Variants in GRAP2 observed in about 807,000 individuals in gnomAD.
The protein encoded by GRAP2 is GRB2 related adaptor protein 2.
A neutral mutation model predicts 43.5 loss-of-function variants in GRAP2; 31 were observed. The observed-to-expected ratio is 0.71, with a 90% confidence interval of 0.54 to 0.96. The LOEUF (loss-of-function observed/expected upper bound fraction) is 0.96, where lower values mean the gene tolerates loss of function less well. GRAP2 is among the 40% of genes least tolerant of loss of function. GRAP2 has a pLI of 0.00. For synonymous variants in GRAP2, 156 were observed against 164.8 expected, an observed-to-expected ratio of 0.95 and a Z score of 0.41; for missense variants, 371 against 424.4, an observed-to-expected ratio of 0.87 and a Z score of 1.11.
At chr22:39,941,874 T>G (rs2066874599) in intron 1 of GRAP2, among the ~76,000 whole-genome samples, 2 of 151,928 alleles carry the variant, frequency 1.3e-5, no homozygotes, top group African/African-American at 2.4e-5. Context: ...TTTTTTTTTT[T>G]GTCTGTTTGT....
chr22:39,952,771 A>G (rs1214122040), intron 2 of GRAP2, among the ~76,000 whole-genome samples: 1 of 152,246 alleles, frequency 6.6e-6, no homozygotes, highest in East Asian at 1.9e-4. Context: ...TGTCCTATTC[A>G]GAGCTGGAGG....
chr22:39,902,128 C>G (rs1233196973), intron 1 of GRAP2, among the ~76,000 whole-genome samples: 1 of 152,206 alleles, frequency 6.6e-6, no homozygotes, highest in East Asian at 1.9e-4. Context: ...CACTATTGAA[C>G]ATACACATCC....
intron 1 of GRAP2, among the ~76,000 whole-genome samples, chr22:39,920,255 A>G (rs1239152015): frequency 2.6e-5 from 4 of 152,220 alleles, no homozygotes; most frequent in Non-Finnish European, 5.9e-5. Flanking sequence ...ATATTCTTGC[A>G]GAGTCATATC....
chr22:39,896,298 C>T (rs1672254493), upstream of GRAP2, among the ~76,000 whole-genome samples: 2 of 152,192 alleles, frequency 1.3e-5, no homozygotes, highest in Non-Finnish European at 2.9e-5. Flanking sequence ...CACACATATA[C>T]TTTTACATGT....
At chr22:39,920,272 C>T in intron 1 of GRAP2, among the ~76,000 whole-genome samples, 1 of 152,226 alleles carries the variant, frequency 6.6e-6, no homozygotes, top group East Asian at 1.9e-4. Context: ...TATCTTACCC[C>T]ACATCTTATC....
intron 1 of GRAP2, among the ~76,000 whole-genome samples, chr22:39,924,689 G>A (rs951108621): frequency 1.7e-4 from 26 of 151,868 alleles, no homozygotes; most frequent in African/African-American, 2.7e-4. Flanking sequence ...GTGACAAAAC[G>A]AGACTCCGTC....
rs756828792 is a variant in GRAP2, at chr22:39,970,871, C to T, written c.814-34C>T. ...CCTCCCCTGCCTGCCCAGCCCACAGCTCAGCAGAGCCTCTTCTGTGCTTCC... is the reference window on the plus strand; with the variant it reads ...CCTCCCCTGCCTGCCCAGCCCACAGTTCAGCAGAGCCTCTTCTGTGCTTCC... On this transcript the variant is annotated intron_variant, in intron 7 of 7. Coordinates refer to ENST00000344138, the MANE Select transcript of GRAP2 (RefSeq NM_004810.4). 1.9e-6 allele frequency: 3 copies of T among 1,550,444 alleles called. No individual in the cohort carries two copies. The South Asian group carries it at 3.7e-5, about 19-fold the overall frequency.
intron 7 of GRAP2, 71 bp downstream of exon 7, chr22:39,969,604 G>A: frequency 6.6e-7 from 1 of 1,515,484 alleles, no homozygotes; most frequent in Non-Finnish European, 9.1e-7. Flanking sequence ...AGGAGATGAG[G>A]CAGGAGAGAC....
Position 39,968,155 on chromosome 22 carries a change from G to A in GRAP2, c.573G>A (p.Pro191=), listed in dbSNP as rs771275405. 4.3e-5 allele frequency: 69 copies of A among 1,607,052 alleles called. No individual in the cohort carries two copies. The highest frequency in any genetic ancestry group is 5.4e-5 in the African/African-American group (4 of 74,540). Reference sequence around the variant, plus strand: ...ACCGGAAGCTGTCGGATCACCCCCCGACCCTTCCCCTGCAGCAGCACCAGC... The same window carrying A: ...ACCGGAAGCTGTCGGATCACCCCCCAACCCTTCCCCTGCAGCAGCACCAGC... ...SMNRKLSDHP[P]TLPLQQHQHQ... is the part of the protein sequence containing the mutation. The change falls in exon 6 of 8, where the codon CCG becomes CCA. Residue 191 remains proline (P), a synonymous_variant. Transcript: ENST00000344138.
chr22:39,966,554 C>T (rs1008144773), intron 5 of GRAP2, among the ~76,000 whole-genome samples: 1 of 152,086 alleles, frequency 6.6e-6, no homozygotes, highest in South Asian at 2.1e-4. Context: ...TCAAGAGTTG[C>T]CCAAGGATGA....
chr22:39,970,757 CA>C, intron 7 of GRAP2, 147 bp from the exon 8 acceptor site: 3 of 647,970 alleles, frequency 4.6e-6, no homozygotes, highest in South Asian at 2.5e-5. Flanking sequence ...CCCATCTCTA[CA>C]AAAAAAGTTT....
At chr22:39,967,130 T>C (rs970852663) in intron 5 of GRAP2, among the ~76,000 whole-genome samples, 8 of 152,194 alleles carry the variant, frequency 5.3e-5, no homozygotes, top group Non-Finnish European at 1.0e-4. Flanking sequence ...TGAAAAGATA[T>C]TGAGACTGTG....
chr22:39,917,011 T>A (rs757629127), intron 1 of GRAP2, among the ~76,000 whole-genome samples: 17 of 152,214 alleles, frequency 1.1e-4, no homozygotes, highest in Non-Finnish European at 2.2e-4. Flanking sequence ...TCATGTAGAA[T>A]AGAAAGCAAT....
chr22:39,937,606 A>C (rs1203634579), intron 1 of GRAP2, among the ~76,000 whole-genome samples: 2 of 152,228 alleles, frequency 1.3e-5, no homozygotes, highest in African/African-American at 4.8e-5. Context: ...CAGAATGCAA[A>C]AATGCTTTGA....
chr22:39,958,810 C>T (rs1883901208), intron 3 of GRAP2, among the ~76,000 whole-genome samples: 2 of 152,154 alleles, frequency 1.3e-5, no homozygotes, highest in Non-Finnish European at 1.5e-5. Flanking sequence ...GTGTGGTGGC[C>T]TCTTGTTTAG....
chr22:39,964,751 C>A (rs534588498), intron 4 of GRAP2: 1 of 484,828 alleles, frequency 2.1e-6, no homozygotes, highest in South Asian at 3.6e-5. Flanking sequence ...AGTGGCTCAT[C>A]ATCTCTTTAG....
At position 39,901,254 on chromosome 22, in the gene GRAP2, T is replaced by C. The variant is rs1411480837; in HGVS notation, c.-91T>C. On this transcript the variant is annotated 5_prime_UTR_variant, in exon 1 of 8. Transcript: ENST00000344138. ...AGTAACTCTGATGCTTGAATTTGTC[T>C]CCCTTCTTGCCAGAAAGGATTCTAA... The C allele has an allele frequency of 1.3e-5, 16 of 1,272,902 alleles. No individual in the cohort carries two copies. The Admixed American group carries it at 3.4e-4, about 27-fold the overall frequency. The allele number at this position is 1,272,902 out of a possible 1,614,324, so 78.9% of individuals were successfully genotyped here. A position where few individuals can be genotyped will look rare whatever the true frequency, so the allele number is the denominator to read the frequency against.
At chr22:39,936,324 T>C (rs1002011123) in intron 1 of GRAP2, among the ~76,000 whole-genome samples, 2 of 152,100 alleles carry the variant, frequency 1.3e-5, no homozygotes, top group African/African-American at 2.4e-5. Context: ...GGTGTTTCTG[T>C]AGACAATTGT....
intron 1 of GRAP2, among the ~76,000 whole-genome samples, chr22:39,927,990 G>A (rs1043696742): frequency 2.0e-5 from 3 of 152,194 alleles, no homozygotes; most frequent in African/African-American, 7.2e-5. Context: ...GAGCCCAGAT[G>A]GGAGAAATGT....
Sources: gnomAD v4.1 joint callset for allele counts (sites outside exome capture counted in the v4.1 genomes callset) on GRCh38, gnomAD v4.1.1 for gene constraint, MANE v1.5 for transcripts, NCBI Gene and HGNC (gene_info 2026-07-23, HGNC 2026-07-21) for gene names.